The following KIAA1328 variants were observed in gnomAD, a reference collection of about 807,000 sequenced individuals.
The protein encoded by KIAA1328 is protein hinderin.
Under a neutral mutation model 68.1 loss-of-function variants are expected in KIAA1328, and 52 were observed. The ratio of observed to expected loss-of-function variants is 0.76; its 90% CI spans 0.61 to 0.96. The LOEUF (loss-of-function observed/expected upper bound fraction) is 0.96, where lower values mean the gene tolerates loss of function less well. KIAA1328 is among the 40% of genes least tolerant of loss of function. KIAA1328 has a pLI of 0.00. For synonymous variants in KIAA1328, 232 were observed against 239.4 expected (o/e 0.97, Z 0.28); for missense variants, 641 against 677.6 (o/e 0.95, Z 0.60).
intron 9 of KIAA1328, among the ~76,000 whole-genome samples, chr18:37,186,356 A>G (rs1363645851): frequency 6.6e-6 from 1 of 151,856 alleles, no homozygotes; most frequent in Non-Finnish European, 1.5e-5. Context: ...ACTTGAGCTC[A>G]GGAGTTTGAG....
chr18:36,985,694 G>A lies in KIAA1328; in HGVS notation c.576+26259G>A, dbSNP rs529838257. Among the ~76,000 whole-genome samples, 162 of 152,034 alleles carry A rather than the reference G, an allele frequency of 1.1e-3. 2 individuals are homozygous for A. Among genetic ancestry groups the A allele is most frequent in the African/African-American group, 3.9e-3 (160 of 41,470 alleles). ...AAATTACTGTGGCTCCATATACCCC[G>A]GTAAACACAAATTAACTCATAAGGG... On this transcript the variant is annotated intron_variant, in intron 6 of 9. Transcript: ENST00000280020.
At chr18:36,925,818 C>T (rs552219489) in intron 5 of KIAA1328, among the ~76,000 whole-genome samples, 13 of 151,842 alleles carry the variant, frequency 8.6e-5, no homozygotes, top group African/African-American at 2.9e-4. Flanking sequence ...GGATTACAGG[C>T]GTAAGCCATC....
chr18:37,149,455 A>G (rs1437475030), intron 7 of KIAA1328, among the ~76,000 whole-genome samples: 2 of 152,212 alleles, frequency 1.3e-5, no homozygotes, highest in Non-Finnish European at 2.9e-5. Context: ...AAAACCCTAG[A>G]AGAAAATCTA....
intron 6 of KIAA1328, among the ~76,000 whole-genome samples, chr18:37,046,422 G>A (rs2055471158): frequency 6.6e-6 from 1 of 152,024 alleles, no homozygotes; most frequent in Non-Finnish European, 1.5e-5. Flanking sequence ...CTCTTTCTTG[G>A]TAAGCCCTGA....
intron 7 of KIAA1328, among the ~76,000 whole-genome samples, chr18:37,115,557 C>A (rs1257029728): frequency 6.6e-6 from 1 of 152,164 alleles, no homozygotes; most frequent in Non-Finnish European, 1.5e-5. Context: ...CAGCCAATAT[C>A]ATACTGAATG....
chr18:36,922,995 A>G (rs1437766486), intron 5 of KIAA1328, among the ~76,000 whole-genome samples: 1 of 151,964 alleles, frequency 6.6e-6, no homozygotes, highest in Non-Finnish European at 1.5e-5. Flanking sequence ...CTCCATGTCA[A>G]TAAGTATTGA....
At chr18:36,984,782 C>T (rs749258526) in intron 6 of KIAA1328, among the ~76,000 whole-genome samples, 4 of 151,422 alleles carry the variant, frequency 2.6e-5, no homozygotes, top group Non-Finnish European at 5.9e-5. Context: ...GGTGCATGCC[C>T]GTAGTCCCAA....
intron 9 of KIAA1328, among the ~76,000 whole-genome samples, chr18:37,221,090 G>A (rs2060553690): frequency 6.6e-6 from 1 of 152,140 alleles, no homozygotes; most frequent in African/African-American, 2.4e-5. Context: ...GCCTCCCAAA[G>A]TGCTGGGATT....
chr18:37,218,656 G>C (rs915231627), intron 9 of KIAA1328, among the ~76,000 whole-genome samples: 3 of 152,174 alleles, frequency 2.0e-5, no homozygotes, highest in African/African-American at 7.2e-5. Context: ...ATGGTTTTCA[G>C]CTCCATCAGG....
At chr18:37,197,765 C>T (rs1283728321) in intron 9 of KIAA1328, among the ~76,000 whole-genome samples, 3 of 152,100 alleles carry the variant, frequency 2.0e-5, no homozygotes, top group African/African-American at 4.8e-5. Context: ...TAAAGTGGTA[C>T]TGCCACTTTG....
rs1200191538 is a variant in KIAA1328, at chr18:37,051,558, T to TA, written c.577-15326dup. ...ACGAGTTATGAAATTGAATCAGTAA[T>TA]AAAAAATCTATCAAAGAAAACCCTG... On this transcript the variant is annotated intron_variant, in intron 6 of 9. Coordinates refer to ENST00000280020, the MANE Select transcript of KIAA1328 (RefSeq NM_020776.3). Among the ~76,000 whole-genome samples the TA allele has an allele frequency of 1.1e-4, 17 of 152,208 alleles. No individual in the cohort carries two copies. The East Asian group carries it at 3.3e-3, about 29-fold the overall frequency.
At chr18:36,881,226 CTT>C (rs2048319504) in intron 4 of KIAA1328, among the ~76,000 whole-genome samples, 1 of 151,288 alleles carries the variant, frequency 6.6e-6, no homozygotes, top group Admixed American at 6.6e-5. Context: ...ATCTCTTATC[CTT>C]TGTTTCTTGA....
downstream of KIAA1328, chr18:37,232,114 T>A (rs2060666293): frequency 6.6e-6 from 1 of 152,238 alleles, no homozygotes; most frequent in African/African-American, 2.4e-5. Flanking sequence ...TAAATCATTA[T>A]AATAAATTCA....
intron 4 of KIAA1328, among the ~76,000 whole-genome samples, chr18:36,847,580 T>C (rs1476134622): frequency 6.6e-6 from 1 of 151,598 alleles, no homozygotes; most frequent in Non-Finnish European, 1.5e-5. Flanking sequence ...TCAAATCTTT[T>C]TCCCCTTTTT....
chr18:37,116,303 C>T (rs559016778), intron 7 of KIAA1328, among the ~76,000 whole-genome samples: 2 of 152,202 alleles, frequency 1.3e-5, no homozygotes, highest in East Asian at 3.9e-4. Context: ...GTACTGGTTC[C>T]AAAACAGAGA....
intron 9 of KIAA1328, among the ~76,000 whole-genome samples, chr18:37,190,301 A>G (rs1312839552): frequency 6.6e-6 from 1 of 152,226 alleles, no homozygotes; most frequent in Non-Finnish European, 1.5e-5. Context: ...AATTGGATCT[A>G]TACAGAAATT....
At chr18:37,081,631 A>G (rs765791504) in intron 7 of KIAA1328, among the ~76,000 whole-genome samples, 3 of 152,292 alleles carry the variant, frequency 2.0e-5, no homozygotes, top group Middle Eastern at 3.4e-3. Flanking sequence ...TGTTTATTCA[A>G]CCTAGTATTT....
chr18:36,983,464 C>A (rs994340577), intron 6 of KIAA1328, among the ~76,000 whole-genome samples: 1 of 152,006 alleles, frequency 6.6e-6, no homozygotes. Flanking sequence ...TACTTGATTT[C>A]ATTACCACCT....
chr18:36,980,764 A>G (rs1174779229), intron 6 of KIAA1328, among the ~76,000 whole-genome samples: 1 of 152,146 alleles, frequency 6.6e-6, no homozygotes, highest in African/African-American at 2.4e-5. Context: ...GGTCTTTCCC[A>G]TGCTGTTCTC....
Sources: allele counts gnomAD v4.1 joint callset (sites outside exome capture counted in the v4.1 genomes callset), GRCh38; gene constraint gnomAD v4.1.1; transcripts MANE v1.5; gene names NCBI Gene and HGNC (gene_info 2026-07-23, HGNC 2026-07-21).